The following PRKCE variants were observed in gnomAD, a reference collection of about 807,000 sequenced individuals.
PRKCE encodes protein kinase C epsilon.
A neutral mutation model predicts 85.4 loss-of-function variants in PRKCE; 16 were observed. The ratio of observed to expected loss-of-function variants is 0.19; its 90% CI spans 0.13 to 0.28. The LOEUF (loss-of-function observed/expected upper bound fraction) is 0.28, where lower values mean the gene tolerates loss of function less well. Among genes scored for constraint, PRKCE ranks in the 10% least tolerant of loss-of-function variants. PRKCE has a pLI of 1.00. For synonymous variants in PRKCE, 388 were observed against 371.5 expected (o/e 1.04, Z -0.51); for missense variants, 573 against 975.2 (o/e 0.59, Z 5.49).
chr2:45,702,773 G>A (rs1229992532), intron 1 of PRKCE, among the ~76,000 whole-genome samples: 1 of 152,008 alleles, frequency 6.6e-6, no homozygotes, highest in African/African-American at 2.4e-5. Context: ...AGCAGGACAC[G>A]AACCACCTCT....
chr2:45,826,660 C>T (rs905447302), intron 1 of PRKCE, among the ~76,000 whole-genome samples: 6 of 152,120 alleles, frequency 3.9e-5, no homozygotes, highest in Non-Finnish European at 7.4e-5. Context: ...CAGATGTCTC[C>T]GACATGGCCA....
At chr2:46,045,945 G>C (rs571028835) in intron 10 of PRKCE, among the ~76,000 whole-genome samples, 1 of 152,168 alleles carries the variant, frequency 6.6e-6, no homozygotes, top group South Asian at 2.1e-4. Context: ...AACTTACAGT[G>C]TGGGGCCCTG....
chr2:46,053,051 C>T (rs906713061), intron 10 of PRKCE, among the ~76,000 whole-genome samples: 8 of 152,104 alleles, frequency 5.3e-5, no homozygotes, highest in African/African-American at 1.9e-4. Context: ...AGCTGAAGGC[C>T]AAGGGAACCA....
chr2:45,883,500 C>T (rs1695031732), intron 2 of PRKCE, among the ~76,000 whole-genome samples: 1 of 152,224 alleles, frequency 6.6e-6, no homozygotes, highest in South Asian at 2.1e-4. Context: ...GGGGCACAGG[C>T]AGGGCAGAGC....
chr2:45,870,347 A>G (rs1234952383), intron 2 of PRKCE, among the ~76,000 whole-genome samples: 2 of 151,974 alleles, frequency 1.3e-5, no homozygotes, highest in African/African-American at 4.8e-5. Context: ...TCCTGTGTAG[A>G]CTCAGCTATT....
Position 46,041,276 on chromosome 2 carries a change from TAAAAC to T in PRKCE, c.1437+30769_1437+30773del, listed in dbSNP as rs1337997333. Among the ~76,000 whole-genome samples the T allele has an allele frequency of 3.3e-5, 5 of 152,198 alleles. No homozygotes were observed. Among genetic ancestry groups the T allele is most frequent in the Admixed American group, 6.5e-5 (1 of 15,284 alleles). Reference sequence around the variant, plus strand: ...CAAAATCAGAATTTTAAAGCAATATTAAAACAAAACAAAATCCCTTTTCATGTAAT... The same window carrying T: ...CAAAATCAGAATTTTAAAGCAATATTAAAACAAAATCCCTTTTCATGTAAT... On this transcript the variant is annotated intron_variant, in intron 10 of 14. Coordinates refer to ENST00000306156, the MANE Select transcript of PRKCE (RefSeq NM_005400.3). The surrounding 1 kb of genome is among the most constrained non-coding windows in gnomAD (Gnocchi z 5.5).
At chr2:46,085,301 A>G (rs867858096) in intron 10 of PRKCE, among the ~76,000 whole-genome samples, 1 of 152,314 alleles carries the variant, frequency 6.6e-6, no homozygotes, top group African/African-American at 2.4e-5. Context: ...CCTCCAAAGT[A>G]AAAAGTGGCC....
chr2:46,104,045 G>T (rs1335184379), intron 11 of PRKCE, among the ~76,000 whole-genome samples: 1 of 152,106 alleles, frequency 6.6e-6, no homozygotes, highest in African/African-American at 2.4e-5. Flanking sequence ...TATTTTCAGT[G>T]CCCATAGGAT....
chr2:45,939,905 G>T (rs572544484), intron 2 of PRKCE, among the ~76,000 whole-genome samples: 1 of 152,168 alleles, frequency 6.6e-6, no homozygotes, highest in Non-Finnish European at 1.5e-5. Flanking sequence ...GGAGTCTGCC[G>T]TCATTTCTGA....
At chr2:45,987,641 C>A (rs1027619063) in intron 6 of PRKCE, among the ~76,000 whole-genome samples, 2 of 152,000 alleles carry the variant, frequency 1.3e-5, no homozygotes, top group Non-Finnish European at 2.9e-5. Context: ...TGCACAGCCA[C>A]GGAACCTGCA....
intron 1 of PRKCE, among the ~76,000 whole-genome samples, chr2:45,703,071 T>C (rs1027537693): frequency 1.3e-5 from 2 of 150,968 alleles, no homozygotes; most frequent in African/African-American, 4.9e-5. Flanking sequence ...AGTTGTAAAA[T>C]TTAGCTGTCC....
intron 10 of PRKCE, among the ~76,000 whole-genome samples, chr2:46,015,691 C>CAAAAAAA (rs749060776): frequency 5.3e-4 from 43 of 80,740 alleles, no homozygotes; most frequent in South Asian, 8.7e-4. Context: ...AACACTAAAC[C>CAAAAAAA]AAAAAAAAAA....
chr2:45,696,370 A>T (rs895059557), intron 1 of PRKCE, among the ~76,000 whole-genome samples: 1 of 152,188 alleles, frequency 6.6e-6, no homozygotes, highest in Non-Finnish European at 1.5e-5. Flanking sequence ...AATTAAATAA[A>T]TTATATTGCC....
At chr2:46,113,772 T>C (rs1314013891) in intron 11 of PRKCE, among the ~76,000 whole-genome samples, 1 of 152,116 alleles carries the variant, frequency 6.6e-6, no homozygotes, top group Non-Finnish European at 1.5e-5. Context: ...TCCTGAGGGA[T>C]GAATGTAACA....
chr2:46,082,463 G>A lies in PRKCE; in HGVS notation c.1438-3745G>A, dbSNP rs529732149. Among the ~76,000 whole-genome samples, 8 of 152,134 alleles carry A rather than the reference G, an allele frequency of 5.3e-5. No individual in the cohort carries two copies. The South Asian group carries it at 1.2e-3, about 24-fold the overall frequency. On this transcript the variant is annotated intron_variant, in intron 10 of 14. Coordinates refer to ENST00000306156, the MANE Select transcript of PRKCE (RefSeq NM_005400.3). Reference sequence around the variant, plus strand: ...GAGAACTAGTTCATTGGGGTAGATCGTGAAGTCAATTTTGGACATATTGGG... The same window carrying A: ...GAGAACTAGTTCATTGGGGTAGATCATGAAGTCAATTTTGGACATATTGGG...
intron 10 of PRKCE, among the ~76,000 whole-genome samples, chr2:46,065,685 T>C (rs947523195): frequency 2.0e-5 from 3 of 152,188 alleles, no homozygotes; most frequent in African/African-American, 7.2e-5. Context: ...CTGAGGTCAC[T>C]GGAGGTCAGA....
chr2:45,790,727 C>T (rs537603729), intron 1 of PRKCE, among the ~76,000 whole-genome samples: 4 of 152,280 alleles, frequency 2.6e-5, no homozygotes, highest in South Asian at 2.1e-4. Context: ...GAAGGTTATT[C>T]GGCTTGAGAA....
intron 10 of PRKCE, among the ~76,000 whole-genome samples, chr2:46,070,473 C>G (rs1364118778): frequency 6.6e-6 from 1 of 152,138 alleles, no homozygotes; most frequent in African/African-American, 2.4e-5. Context: ...GAAATCCTGT[C>G]TCTACTAAAA....
intron 1 of PRKCE, among the ~76,000 whole-genome samples, chr2:45,796,907 C>T (rs1417416862): frequency 6.6e-6 from 1 of 152,188 alleles, no homozygotes; most frequent in East Asian, 1.9e-4. Context: ...CACGAACCAC[C>T]ATGTCCAGCC....
Sources: gnomAD v4.1 joint callset for allele counts (sites outside exome capture counted in the v4.1 genomes callset) on GRCh38, gnomAD v4.1.1 for gene constraint, Gnocchi (gnomAD v3.1) non-coding constraint, MANE v1.5 for transcripts, NCBI Gene and HGNC (gene_info 2026-07-23, HGNC 2026-07-21) for gene names.